RAB9B: variants seen among roughly 807,000 people sequenced by gnomAD.
RAB9B encodes the protein RAB9B, member RAS oncogene family.
RAB9B carries 1 observed loss-of-function variant against 8.9 expected under a neutral mutation model. The observed-to-expected ratio is 0.11, with a 90% confidence interval of 0.04 to 0.53. RAB9B has a LOEUF of 0.53. Ranked by LOEUF, RAB9B falls within the 20% of genes least tolerant of loss-of-function variation. The probability of loss-of-function intolerance (pLI) is 0.93; values close to 1 mark genes in which losing one functional copy is unlikely to be tolerated. For synonymous variants in RAB9B, 63 were observed against 57.0 expected (o/e 1.10, Z -0.47); for missense variants, 82 against 152.9 (o/e 0.54, Z 2.45).
chrX:103,788,556 A>G, the RAB9B span: 1 of 953,522 alleles, frequency 1.0e-6, no homozygotes, highest in Non-Finnish European at 1.5e-6. Flanking sequence ...AGCTAATACC[A>G]TACAAATTAC....
the RAB9B span, among the ~76,000 whole-genome samples, chrX:103,803,353 T>C: frequency 1.8e-5 from 2 of 112,494 alleles, no homozygotes; most frequent in Non-Finnish European, 3.8e-5. Flanking sequence ...CACATCCTTG[T>C]CAACACTTGT....
chrX:103,824,846 A>T lies in RAB9B; in HGVS notation c.*333T>A. ...TTTAAGAAATAGTTGTAGCTCTTTA[A>T]CTCCTTCATGCAGCTGGGTTCTAGG... On this transcript the variant is annotated 3_prime_UTR_variant, in exon 3 of 3. Coordinates refer to ENST00000243298, the MANE Select transcript of RAB9B (RefSeq NM_016370.4). 4 of 127,928 alleles carry T rather than the reference A, an allele frequency of 3.1e-5. No homozygotes were observed. Among genetic ancestry groups the T allele is most frequent in the Non-Finnish European group, 4.7e-5 (3 of 63,594 alleles). The allele number at this position is 127,928 out of a possible 1,213,427, so 10.5% of individuals were successfully genotyped here.
the RAB9B span, among the ~76,000 whole-genome samples, chrX:103,797,557 T>C: frequency 6.9e-5 from 2 of 29,020 alleles, no homozygotes; most frequent in African/African-American, 3.0e-4. Context: ...TGAGCCCTGA[T>C]TGGTCAAGGC....
the RAB9B span, among the ~76,000 whole-genome samples, chrX:103,792,860 C>T: frequency 5.3e-5 from 6 of 112,410 alleles, no homozygotes; most frequent in Non-Finnish European, 5.6e-5. Context: ...TGTGTTAAAA[C>T]GCAGATATTG....
chrX:103,830,619 C>T (rs1473186993), intron 1 of RAB9B, among the ~76,000 whole-genome samples: 3 of 110,095 alleles, frequency 2.7e-5, no homozygotes, highest in Non-Finnish European at 3.8e-5. Flanking sequence ...TTTTTTTTTT[C>T]CCATCAGGGT....
chrX:103,788,760 T>C, the RAB9B span: 1 of 401,492 alleles, frequency 2.5e-6, no homozygotes, highest in East Asian at 4.3e-5. Flanking sequence ...AGTTTGTAGC[T>C]TTAGGTAAAG....
At chrX:103,783,147 C>T in the RAB9B span, among the ~76,000 whole-genome samples, 1 of 111,808 alleles carries the variant, frequency 8.9e-6, no homozygotes, top group African/African-American at 3.2e-5. Flanking sequence ...GGAATGTTTT[C>T]TGAGAACAAC....
chrX:103,812,469 C>T, the RAB9B span, among the ~76,000 whole-genome samples: 1 of 111,713 alleles, frequency 9.0e-6, no homozygotes, highest in Non-Finnish European at 1.9e-5. Context: ...TCAAGTACCT[C>T]TTTCTTTGTT....
downstream of RAB9B, among the ~76,000 whole-genome samples, chrX:103,817,466 A>G (rs2074643787): frequency 9.1e-6 from 1 of 110,337 alleles, no homozygotes; most frequent in South Asian, 3.9e-4. Flanking sequence ...CATTAGGAGA[A>G]CTACCTAATG....
At chrX:103,783,227 T>C in the RAB9B span, among the ~76,000 whole-genome samples, 1 of 112,341 alleles carries the variant, frequency 8.9e-6, no homozygotes, top group African/African-American at 3.2e-5. Flanking sequence ...TACACATGCA[T>C]GCATGTGCGT....
At chrX:103,781,519 G>A in the RAB9B span, among the ~76,000 whole-genome samples, 1 of 112,156 alleles carries the variant, frequency 8.9e-6, no homozygotes. Context: ...TTGCTTATAG[G>A]TAGCTTTAGA....
At chrX:103,794,428 A>G in the RAB9B span, among the ~76,000 whole-genome samples, 18 of 111,940 alleles carry the variant, frequency 1.6e-4, no homozygotes, top group African/African-American at 5.8e-4. Flanking sequence ...CACCCACTCA[A>G]TCATTTGGGG....
the RAB9B span, among the ~76,000 whole-genome samples, chrX:103,807,825 C>T: frequency 8.9e-6 from 1 of 112,028 alleles, no homozygotes; most frequent in African/African-American, 3.2e-5. Context: ...GACCATGGTG[C>T]TCATCTGGGC....
the RAB9B span, among the ~76,000 whole-genome samples, chrX:103,803,780 G>T: frequency 1.8e-5 from 2 of 112,024 alleles, no homozygotes; most frequent in East Asian, 5.6e-4. Context: ...GTTTTACCAT[G>T]TTGGCCAGGA....
At chrX:103,785,469 C>A in the RAB9B span, 1 of 638,388 alleles carries the variant, frequency 1.6e-6, no homozygotes, top group Non-Finnish European at 2.6e-6. Context: ...TGCTTTTTGA[C>A]TTCGGAGTGC....
the RAB9B span, chrX:103,786,868 A>G: frequency 3.1e-6 from 2 of 647,060 alleles, no homozygotes; most frequent in Non-Finnish European, 5.0e-6. Flanking sequence ...CAGCCGAACG[A>G]GAAGGTCAGG....
chrX:103,799,234 A>G, the RAB9B span, among the ~76,000 whole-genome samples: 2 of 102,598 alleles, frequency 1.9e-5, no homozygotes, highest in Admixed American at 2.2e-4. Flanking sequence ...AGTTTTCAGC[A>G]GCAAAGTCAC....
At chrX:103,811,080 A>G in the RAB9B span, among the ~76,000 whole-genome samples, 1 of 111,762 alleles carries the variant, frequency 8.9e-6, no homozygotes, top group Non-Finnish European at 1.9e-5. Flanking sequence ...AATTTACTCA[A>G]TATAAGGGAT....
chrX:103,823,278 C>T lies in RAB9B; in HGVS notation c.*1901G>A, dbSNP rs772960362. On this transcript the variant is annotated 3_prime_UTR_variant, in exon 3 of 3. Coordinates refer to ENST00000243298, the MANE Select transcript of RAB9B (RefSeq NM_016370.4). ...CTATAGGCATAGGCAGGATAGGGACCAGTACTTAAGAGCTGTGGGGTCCCA... is the reference window on the plus strand; with the variant it reads ...CTATAGGCATAGGCAGGATAGGGACTAGTACTTAAGAGCTGTGGGGTCCCA... 2 of 112,006 alleles carry T rather than the reference C, an allele frequency of 1.8e-5. No individual in the cohort carries two copies. Among genetic ancestry groups the T allele is most frequent in the African/African-American group, 6.5e-5 (2 of 30,836 alleles). The allele number at this position is 112,006 out of a possible 1,213,427, so 9.2% of individuals were successfully genotyped here. A position where few individuals can be genotyped will look rare whatever the true frequency, so the allele number is the denominator to read the frequency against.
Sources: allele counts gnomAD v4.1 joint callset (sites outside exome capture counted in the v4.1 genomes callset), GRCh38; gene constraint gnomAD v4.1.1; transcripts MANE v1.5; gene names NCBI Gene and HGNC (gene_info 2026-07-23, HGNC 2026-07-21).